C16orf96: variants seen among roughly 807,000 people sequenced by gnomAD.
C16orf96 encodes the protein chromosome 16 open reading frame 96.
C16orf96 carries 108 observed loss-of-function variants against 103.6 expected under a neutral mutation model. That is an observed-to-expected ratio of 1.04 (90% CI 0.89 to 1.22). The LOEUF (loss-of-function observed/expected upper bound fraction) is 1.22. Ranked by LOEUF, C16orf96 falls within the 50% of genes most tolerant of loss-of-function variation. C16orf96 has a pLI of 0.00. For missense variants in C16orf96, 1,586 were observed against 1,464.2 expected (o/e 1.08, Z -1.36); for synonymous variants, 566 against 593.5 (o/e 0.95, Z 0.67).
intron 2 of C16orf96, 55 bp downstream of exon 2, chr16:4,571,720 G>A (rs2059440567): frequency 1.5e-6 from 2 of 1,362,616 alleles, no homozygotes; most frequent in South Asian, 1.3e-5. Flanking sequence ...GCCTCTGGGG[G>A]TTGGAGCAAT....
chr16:4,547,946 T>C, the C16orf96 span, among the ~76,000 whole-genome samples: 2 of 151,956 alleles, frequency 1.3e-5, no homozygotes, highest in Non-Finnish European at 2.9e-5. Flanking sequence ...GGCTGAGTTT[T>C]CTTTTTAGGG....
intron 1 of C16orf96, among the ~76,000 whole-genome samples, chr16:4,567,360 T>G (rs561439066): frequency 3.5e-4 from 50 of 144,588 alleles, no homozygotes; most frequent in Non-Finnish European, 6.3e-4. Context: ...CTTGGCTCAC[T>G]GCAAGCTCAG....
At chr16:4,560,010 CATTTTTATTTT>C (rs1459455235) in intron 1 of C16orf96, 6 of 151,876 alleles carry the variant, frequency 4.0e-5, no homozygotes, top group African/African-American at 4.8e-5. Flanking sequence ...TTGCACACTT[CATTTTTATTTT>C]ATTTTTATTT....
chr16:4,565,501 G>A (rs545433009), intron 1 of C16orf96, among the ~76,000 whole-genome samples: 15 of 152,170 alleles, frequency 9.9e-5, no homozygotes, highest in Non-Finnish European at 2.1e-4. Flanking sequence ...CAATCTCCAC[G>A]CAAGATGCAG....
At chr16:4,568,168 G>A (rs1305368851) in intron 1 of C16orf96, among the ~76,000 whole-genome samples, 1 of 151,668 alleles carries the variant, frequency 6.6e-6, no homozygotes, top group Non-Finnish European at 1.5e-5. Context: ...AGCTCCCAAA[G>A]TGCTGAATTA....
intron 8 of C16orf96, among the ~76,000 whole-genome samples, chr16:4,587,931 C>G (rs1293641583): frequency 6.6e-6 from 1 of 152,076 alleles, no homozygotes; most frequent in Non-Finnish European, 1.5e-5. Context: ...GAACAAGATC[C>G]TGTCTCAAAA....
In C16orf96 at chr16:4,593,603, G is replaced by C. The variant is rs929452801; in HGVS notation, c.2867+287G>C. Among the ~76,000 whole-genome samples, 4 of 151,988 alleles carry C rather than the reference G, an allele frequency of 2.6e-5. No individual in the cohort carries two copies. Among genetic ancestry groups the C allele is most frequent in the Admixed American group, 2.0e-4 (3 of 15,242 alleles). Reference sequence around the variant, plus strand: ...AAATCTCACAACCCCCTGTGAGCTAGGGTTCCTATGCCCATGTCCCTGTTT... The same window carrying C: ...AAATCTCACAACCCCCTGTGAGCTACGGTTCCTATGCCCATGTCCCTGTTT... On this transcript the variant is annotated intron_variant, in intron 12 of 15. Coordinates refer to ENST00000444310, the MANE Select transcript of C16orf96 (RefSeq NM_001145011.2). This position sits in a 1 kb window ranked among gnomAD's most constrained non-coding sequence, Gnocchi z 4.2.
chr16:4,547,502 C>T, the C16orf96 span, among the ~76,000 whole-genome samples: 1 of 152,048 alleles, frequency 6.6e-6, no homozygotes, highest in South Asian at 2.1e-4. Context: ...GACAGAAAGT[C>T]AGAAAATAGA....
intron 7 of C16orf96, among the ~76,000 whole-genome samples, chr16:4,582,780 T>C (rs923467025): frequency 5.9e-5 from 9 of 152,160 alleles, no homozygotes; most frequent in Non-Finnish European, 1.2e-4. Flanking sequence ...CGCCAGACCC[T>C]GCATGGGGGT....
chr16:4,572,306 C>CTTTTTTTTTTTTTTT (rs3992632), intron 2 of C16orf96, among the ~76,000 whole-genome samples: 1 of 131,706 alleles, frequency 7.6e-6, no homozygotes. Context: ...ACTTATATTT[C>CTTTTTTTTTTTTTTT]TTTTTTTTTT....
At chr16:4,563,175 G>T in intron 1 of C16orf96, 1 of 741,022 alleles carries the variant, frequency 1.3e-6, no homozygotes, top group Non-Finnish European at 2.4e-6. Context: ...GAAGAAACAA[G>T]TTCCTTTGCT....
intron 7 of C16orf96, among the ~76,000 whole-genome samples, chr16:4,585,594 G>A (rs1424373473): frequency 6.6e-6 from 1 of 152,242 alleles, no homozygotes; most frequent in African/African-American, 2.4e-5. Context: ...TGGAACAGAC[G>A]TGCCTAGGTT....
chr16:4,587,557 G>T (rs12919034), intron 8 of C16orf96, among the ~76,000 whole-genome samples: 1 of 139,988 alleles, frequency 7.1e-6, no homozygotes, highest in African/African-American at 2.6e-5. Context: ...AAGAAAGAAA[G>T]AAAAAGAAAG....
chr16:4,588,764 G>T (rs1307181027), intron 9 of C16orf96, among the ~76,000 whole-genome samples: 3 of 130,496 alleles, frequency 2.3e-5, no homozygotes, highest in African/African-American at 8.9e-5. Flanking sequence ...CCCATACATA[G>T]TCAATAAATG....
Position 4,590,111 on chromosome 16 carries a change from G to A in C16orf96, c.2593-1555G>A, listed in dbSNP as rs572294440. 1.3e-3 allele frequency among the ~76,000 whole-genome samples: 192 copies of A among 146,616 alleles called. 1 individual carries two copies. The highest frequency in any genetic ancestry group is 4.6e-3 in the African/African-American group (183 of 39,640). On this transcript the variant is annotated intron_variant, in intron 9 of 15. Coordinates refer to ENST00000444310, the MANE Select transcript of C16orf96 (RefSeq NM_001145011.2). ...ACTGCACTCCAGCCTGGGCGACAGAGCAAGACTCCGTCTCAAAAAAATACT... is the reference window on the plus strand; with the variant it reads ...ACTGCACTCCAGCCTGGGCGACAGAACAAGACTCCGTCTCAAAAAAATACT...
At chr16:4,542,766 C>A in the C16orf96 span, among the ~76,000 whole-genome samples, 1 of 151,872 alleles carries the variant, frequency 6.6e-6, no homozygotes, top group Non-Finnish European at 1.5e-5. Flanking sequence ...CATTGCACTC[C>A]AGCCTGGGCG....
At chr16:4,555,992 A>G (rs1596509569), upstream of C16orf96, among the ~76,000 whole-genome samples, 1 of 151,744 alleles carries the variant, frequency 6.6e-6, no homozygotes, top group South Asian at 2.1e-4. Context: ...GAACCCCCAC[A>G]CCCACCCAGC....
In C16orf96 at chr16:4,580,102, C is replaced by T. The variant is rs1283749817; in HGVS notation, c.2329C>T (p.Gln777Ter). ...ITLDKAVENL[Q>*]IRMDEFKTLQ... ...TTTGGACAAGGCGGTGGAGAACCTG[C>T]AGATTCGCATGGATGAGTTCAAGGT... The change falls in exon 7 of 16, where the codon CAG (glutamine) becomes TAG (stop). Residue 777 changes from glutamine to a stop codon, truncating the protein, a stop_gained. Transcript: ENST00000444310. LOFTEE classifies it high-confidence loss of function. The T allele has an allele frequency of 6.5e-7, 1 of 1,538,886 alleles. No homozygotes were observed. Among genetic ancestry groups the T allele is most frequent in the Non-Finnish European group, 8.8e-7 (1 of 1,140,856 alleles).
At chr16:4,558,847 G>A (rs139080403) in intron 1 of C16orf96, among the ~76,000 whole-genome samples, 161 of 149,252 alleles carry the variant, frequency 1.1e-3, no homozygotes, top group Admixed American at 1.7e-3. Flanking sequence ...CCCAGGAGGC[G>A]GAACTTGCAG....
Sources: gnomAD v4.1 joint callset for allele counts (sites outside exome capture counted in the v4.1 genomes callset) on GRCh38, gnomAD v4.1.1 for gene constraint, Gnocchi (gnomAD v3.1) non-coding constraint, MANE v1.5 for transcripts, NCBI Gene and HGNC (gene_info 2026-07-23, HGNC 2026-07-21) for gene names.